The following TRIP12 variants were observed in gnomAD, a reference collection of about 807,000 sequenced individuals.
TRIP12 encodes the protein thyroid hormone receptor interactor 12.
In TRIP12, 25 loss-of-function variants were observed where a neutral mutation model predicts 244.2. The observed-to-expected ratio is 0.10, with a 90% CI of 0.07 to 0.14. The LOEUF (loss-of-function observed/expected upper bound fraction) is 0.14, where lower values mean the gene tolerates loss of function less well. Among genes scored for constraint, TRIP12 ranks in the 10% least tolerant of loss-of-function variants. The pLI, the probability that TRIP12 is intolerant of heterozygous loss-of-function variation, is 1.00. For missense variants in TRIP12, 1,677 were observed against 2,486.4 expected (o/e 0.67, Z 6.92); for synonymous variants, 905 against 873.1 (o/e 1.04, Z -0.64).
At position 229,864,097 on chromosome 2, in the gene TRIP12, C is replaced by T. The variant is rs2061071892; in HGVS notation, c.99-3566G>A. ...GTGTGTGCACGCGCACACGTGCACACATGTGTTCAGGAGCTTCTATAACAA... is the reference window on the plus strand; with the variant it reads ...GTGTGTGCACGCGCACACGTGCACATATGTGTTCAGGAGCTTCTATAACAA... On this transcript the variant is annotated intron_variant, in intron 2 of 41. Coordinates refer to ENST00000675903, the MANE Select transcript of TRIP12 (RefSeq NM_001348323.3). 2.0e-5 allele frequency among the ~76,000 whole-genome samples: 3 copies of T among 150,200 alleles called. No homozygotes were observed. The South Asian group carries it at 6.3e-4, about 32-fold the overall frequency.
At chr2:229,923,087 T>G (rs1414447652), upstream of TRIP12, 1 of 154,732 alleles carries the variant, frequency 6.5e-6, no homozygotes, top group Admixed American at 6.5e-5. Context: ...CCTTTACGCG[T>G]GCCACGGCCA....
intron 20 of TRIP12, among the ~76,000 whole-genome samples, chr2:229,803,129 C>T (rs937128504): frequency 9.2e-5 from 14 of 152,194 alleles, no homozygotes; most frequent in African/African-American, 2.9e-4. Flanking sequence ...AATGAGCACA[C>T]GTTCACATTT....
At chr2:229,888,163 T>A (rs888934247) in intron 1 of TRIP12, among the ~76,000 whole-genome samples, 1 of 152,208 alleles carries the variant, frequency 6.6e-6, no homozygotes, top group Non-Finnish European at 1.5e-5. Context: ...GTAGCAGCAT[T>A]ATCAAATGAT....
intron 29 of TRIP12, 141 bp from the exon 30 acceptor site, chr2:229,791,392 A>G (rs1404847817): frequency 3.0e-6 from 3 of 1,015,760 alleles, no homozygotes; most frequent in Non-Finnish European, 4.3e-6. Flanking sequence ...GAATCTGGAG[A>G]ACTTCTTAGA....
chr2:229,859,069 T>A lies in TRIP12; in HGVS notation c.730A>T (p.Thr244Ser), dbSNP rs150360606. ...TITDSSSAAS[T>S]SSSSSAVASA... ...GCTACAGCAGAAGACGAGGAGGAAG[T>A]AGAGGCAGCAGAAGAAGAATCAGTG... The change falls in exon 4 of 42, where the codon ACT becomes TCT. Residue 244 changes from threonine (T) to serine (S), a missense_variant. Physicochemically the swap from Thr to Ser is moderately conservative, Grantham distance 58. Around this residue, in one of 11 missense-constraint regions of TRIP12, gnomAD observed 387 missense variants for 392.6 expected, o/e 0.99. Coordinates refer to ENST00000675903, the MANE Select transcript of TRIP12 (RefSeq NM_001348323.3). The A allele has an allele frequency of 1.6e-5, 26 of 1,614,144 alleles. No homozygotes were observed. The highest frequency in any genetic ancestry group is 2.0e-5 in the Non-Finnish European group (24 of 1,180,008).
At chr2:229,904,553 G>A (rs1190862205) in intron 1 of TRIP12, among the ~76,000 whole-genome samples, 2 of 151,998 alleles carry the variant, frequency 1.3e-5, no homozygotes, top group East Asian at 1.9e-4. Context: ...ATAGCATAAG[G>A]AAAAGCAATA....
intron 1 of TRIP12, among the ~76,000 whole-genome samples, chr2:229,898,650 T>TA (rs555668325): frequency 1.3e-5 from 2 of 152,122 alleles, no homozygotes; most frequent in African/African-American, 2.4e-5. Flanking sequence ...ATACACAGTA[T>TA]AAAAAAAAGA....
intron 4 of TRIP12, among the ~76,000 whole-genome samples, chr2:229,844,670 T>G (rs542434164): frequency 3.2e-4 from 48 of 152,204 alleles, no homozygotes; most frequent in Non-Finnish European, 5.9e-4. Flanking sequence ...TCAATGTCAA[T>G]GTATTTGATA....
chr2:229,905,187 T>C (rs1255615946), intron 1 of TRIP12, among the ~76,000 whole-genome samples: 1 of 150,856 alleles, frequency 6.6e-6, no homozygotes, highest in Non-Finnish European at 1.5e-5. Flanking sequence ...GGCAGGAGAA[T>C]CGCCTGAACC....
At chr2:229,798,075 A>G (rs4972914) in intron 23 of TRIP12, among the ~76,000 whole-genome samples, 83,525 of 152,112 alleles carry the variant, frequency 0.55, 24,278 homozygotes, top group African/African-American at 0.74. Context: ...ACAAAGTGTA[A>G]TAATTTTTTG....
intron 31 of TRIP12, 100 bp downstream of exon 31, chr2:229,789,511 A>G: frequency 7.0e-7 from 1 of 1,419,514 alleles, no homozygotes; most frequent in Non-Finnish European, 9.5e-7. Context: ...CTGGGCTAGG[A>G]GCCCTGCATT....
chr2:229,803,785 G>A (rs2045103542), intron 19 of TRIP12, 96 bp from the exon 20 acceptor site: 2 of 962,026 alleles, frequency 2.1e-6, no homozygotes, highest in African/African-American at 1.7e-5. Context: ...CATTTTCATT[G>A]TGAAACCATT....
intron 16 of TRIP12, 124 bp from the exon 17 acceptor site, chr2:229,807,988 C>T: frequency 9.6e-7 from 1 of 1,046,482 alleles, no homozygotes; most frequent in Non-Finnish European, 1.4e-6. Context: ...TTTTTGGAGA[C>T]AGAGTCTCAC....
chr2:229,773,695 T>C (rs1306483566), intron 38 of TRIP12: 1 of 160,086 alleles, frequency 6.2e-6, no homozygotes, highest in Admixed American at 6.0e-5. Context: ...GCCCATAAGT[T>C]AGTAATTTGA....
In TRIP12 at chr2:229,815,318, A is replaced by G. The variant is rs773827367; in HGVS notation, c.1600-10T>C. The G allele has an allele frequency of 6.3e-5, 87 of 1,391,352 alleles. 1 individual carries two copies. The South Asian group carries it at 8.4e-4, about 13-fold the overall frequency. The allele number at this position is 1,391,352 out of a possible 1,614,324, so 86.2% of individuals were successfully genotyped here. A position where few individuals can be genotyped will look rare whatever the true frequency, so the allele number is the denominator to read the frequency against. On this transcript the variant is annotated splice_polypyrimidine_tract_variant and intron_variant, in intron 9 of 41. Transcript: ENST00000675903. ...TCTGAAGTAACGTAATCTGTTAAAA[A>G]GATAACAAAATATTAGAAGCTATAT...
At chr2:229,899,578 C>T (rs1207224121) in intron 1 of TRIP12, among the ~76,000 whole-genome samples, 1 of 152,080 alleles carries the variant, frequency 6.6e-6, no homozygotes, top group Non-Finnish European at 1.5e-5. Flanking sequence ...CTCAGACCAA[C>T]GGAAGACCAA....
At chr2:229,826,016 T>C (rs1168769216) in intron 8 of TRIP12, among the ~76,000 whole-genome samples, 1 of 152,100 alleles carries the variant, frequency 6.6e-6, no homozygotes, top group African/African-American at 2.4e-5. Context: ...AATATAACAA[T>C]GGCACCTTTG....
At chr2:229,810,753 C>T in intron 15 of TRIP12, 127 bp downstream of exon 15, 1 of 927,070 alleles carries the variant, frequency 1.1e-6, no homozygotes, top group Non-Finnish European at 1.6e-6. Context: ...CATATTAACA[C>T]TTTTCTTTAC....
In TRIP12 at chr2:229,802,232, A is replaced by G. The variant is rs757998570; in HGVS notation, c.3206+20T>C. 1.3e-5 allele frequency: 20 copies of G among 1,560,958 alleles called. No individual in the cohort carries two copies. The South Asian group carries it at 2.2e-4, about 17-fold the overall frequency. ...CGCTAACAGCAAAGAAATAAAAATC[A>G]CAACACAATTCTTACTTACCCTTGA... On this transcript the variant is annotated intron_variant, in intron 21 of 41. Coordinates refer to ENST00000675903, the MANE Select transcript of TRIP12 (RefSeq NM_001348323.3).
Sources: allele counts gnomAD v4.1 joint callset (sites outside exome capture counted in the v4.1 genomes callset), GRCh38; gene constraint gnomAD v4.1.1; regional missense constraint gnomAD v4.1.1; transcripts MANE v1.5; gene names NCBI Gene and HGNC (gene_info 2026-07-23, HGNC 2026-07-21).